TBC1D5: variants seen among roughly 807,000 people sequenced by gnomAD.
TBC1D5 encodes the protein TBC1 domain family member 5, also known as TBC1 domain family, member 5.
Under a neutral mutation model 100.3 loss-of-function variants are expected in TBC1D5, and 75 were observed. That is an observed-to-expected ratio of 0.75 (90% CI 0.62 to 0.91). The LOEUF (loss-of-function observed/expected upper bound fraction) is 0.91. Among genes scored for constraint, TBC1D5 ranks in the 40% least tolerant of loss-of-function variants. The probability of loss-of-function intolerance (pLI) is 0.00; values close to 1 mark genes in which losing one functional copy is unlikely to be tolerated. For synonymous variants in TBC1D5, 323 were observed against 325.6 expected (o/e 0.99, Z 0.09); for missense variants, 910 against 942.4 (o/e 0.97, Z 0.45).
At chr3:17,229,652 C>T (rs1024922948) in intron 17 of TBC1D5, among the ~76,000 whole-genome samples, 2 of 152,106 alleles carry the variant, frequency 1.3e-5, no homozygotes, top group African/African-American at 2.4e-5. Flanking sequence ...CCAGCAACAA[C>T]CCTTGAAGTA....
intron 16 of TBC1D5, among the ~76,000 whole-genome samples, chr3:17,250,534 G>T (rs561547618): frequency 6.6e-6 from 1 of 152,308 alleles, no homozygotes; most frequent in South Asian, 2.1e-4. Context: ...CTTGCGTGTT[G>T]TTCACTGGGC....
At chr3:17,739,122 C>T (rs759927509) in intron 1 of TBC1D5, among the ~76,000 whole-genome samples, 1 of 152,208 alleles carries the variant, frequency 6.6e-6, no homozygotes. Flanking sequence ...CCCACCACCC[C>T]GACCTCACAT....
chr3:17,287,109 T>C (rs577270214), intron 15 of TBC1D5, among the ~76,000 whole-genome samples: 2 of 152,346 alleles, frequency 1.3e-5, no homozygotes, highest in East Asian at 3.9e-4. Flanking sequence ...TTAACTATCT[T>C]GATAAAAATG....
chr3:17,693,404 TAAC>T (rs951289562), intron 1 of TBC1D5, among the ~76,000 whole-genome samples: 10 of 152,098 alleles, frequency 6.6e-5, no homozygotes, highest in African/African-American at 2.4e-4. Flanking sequence ...CTCAAGGTCT[TAAC>T]AACCGGCAGA....
chr3:17,324,185 G>A (rs2085785640), intron 13 of TBC1D5, among the ~76,000 whole-genome samples: 1 of 152,102 alleles, frequency 6.6e-6, no homozygotes, highest in Non-Finnish European at 1.5e-5. Context: ...ATGGATAACA[G>A]GCCTAAGGGC....
intron 16 of TBC1D5, among the ~76,000 whole-genome samples, chr3:17,250,528 C>T (rs942862938): frequency 2.0e-5 from 3 of 152,224 alleles, no homozygotes; most frequent in Admixed American, 6.5e-5. Context: ...ACCACCCTTG[C>T]GTGTTGTTCA....
At chr3:17,529,501 TG>T (rs549302658) in intron 2 of TBC1D5, among the ~76,000 whole-genome samples, 140 of 151,764 alleles carry the variant, frequency 9.2e-4, no homozygotes, top group African/African-American at 3.2e-3. Context: ...AGAGAAAGGG[TG>T]GGGGGAAGAG....
intron 3 of TBC1D5, among the ~76,000 whole-genome samples, chr3:17,504,296 G>A (rs1390266058): frequency 4.1e-5 from 1 of 24,108 alleles, no homozygotes; most frequent in African/African-American, 1.5e-4. Context: ...GGGGAGGGGG[G>A]AGGGGGGAGA....
chr3:17,374,376 A>G, intron 12 of TBC1D5, 95 bp downstream of exon 12: 2 of 1,158,026 alleles, frequency 1.7e-6, no homozygotes, highest in Non-Finnish European at 2.4e-6. Context: ...CAGCAATAAT[A>G]AAGGCTATAT....
At chr3:17,695,168 C>A (rs879791513) in intron 1 of TBC1D5, among the ~76,000 whole-genome samples, 2 of 152,142 alleles carry the variant, frequency 1.3e-5, no homozygotes, top group Non-Finnish European at 2.9e-5. Context: ...ACCATCAATG[C>A]TATGAAGAAA....
intron 2 of TBC1D5, among the ~76,000 whole-genome samples, chr3:17,582,789 A>AC (rs1560208352): frequency 6.6e-6 from 1 of 152,086 alleles, no homozygotes; most frequent in African/African-American, 2.4e-5. Context: ...AAAAAGCAAA[A>AC]AAAAACAAAA....
chr3:17,312,852 G>A (rs2084205891), intron 13 of TBC1D5, among the ~76,000 whole-genome samples: 1 of 152,012 alleles, frequency 6.6e-6, no homozygotes, highest in South Asian at 2.1e-4. Context: ...GTTTTTCCAG[G>A]GATTTAAGAT....
intron 8 of TBC1D5, among the ~76,000 whole-genome samples, chr3:17,401,281 A>G (rs941754819): frequency 2.7e-4 from 40 of 147,040 alleles, no homozygotes; most frequent in African/African-American, 9.1e-4. Flanking sequence ...TGTATAATAC[A>G]CATATATATG....
At chr3:17,311,913 TG>T (rs2084074621) in intron 13 of TBC1D5, among the ~76,000 whole-genome samples, 2 of 152,238 alleles carry the variant, frequency 1.3e-5, no homozygotes, top group Middle Eastern at 6.8e-3. Context: ...TTTTGCTTTC[TG>T]TTCACTTGTA....
chr3:17,530,078 T>C (rs2153375662), intron 2 of TBC1D5, among the ~76,000 whole-genome samples: 1 of 151,982 alleles, frequency 6.6e-6, no homozygotes, highest in South Asian at 2.1e-4. Context: ...ATCCCATCTC[T>C]ACTAAAAATA....
chr3:17,500,200 C>A (rs2095767747), intron 3 of TBC1D5, among the ~76,000 whole-genome samples: 1 of 149,210 alleles, frequency 6.7e-6, no homozygotes, highest in African/African-American at 2.6e-5. Context: ...AGAATTGCTA[C>A]ATCAATGGAA....
chr3:17,677,665 TA>T (rs1229977871), intron 1 of TBC1D5, among the ~76,000 whole-genome samples: 1 of 152,206 alleles, frequency 6.6e-6, no homozygotes, highest in Non-Finnish European at 1.5e-5. Flanking sequence ...CAAAGGATTA[TA>T]AATCATGCTG....
intron 17 of TBC1D5, among the ~76,000 whole-genome samples, chr3:17,222,922 A>T (rs1376191142): frequency 1.3e-5 from 2 of 152,098 alleles, no homozygotes; most frequent in Non-Finnish European, 2.9e-5. Context: ...ACTCCTAGAA[A>T]AAGTTAGCAT....
chr3:17,615,344 T>C (rs2062055140), intron 2 of TBC1D5, among the ~76,000 whole-genome samples: 1 of 152,210 alleles, frequency 6.6e-6, no homozygotes, highest in Non-Finnish European at 1.5e-5. Context: ...TCTAAAATTC[T>C]ATTTTTTTTG....
Sources: allele counts gnomAD v4.1 joint callset (sites outside exome capture counted in the v4.1 genomes callset), GRCh38; gene constraint gnomAD v4.1.1; transcripts MANE v1.5; gene names NCBI Gene and HGNC (gene_info 2026-07-23, HGNC 2026-07-21).